Variants in HMCN1 observed in about 807,000 individuals in gnomAD.
HMCN1 encodes the protein hemicentin 1.
In HMCN1, 321 loss-of-function variants were observed where a neutral mutation model predicts 625.9. That is an observed-to-expected ratio of 0.51 (90% CI 0.47 to 0.56). The LOEUF is 0.56. Ranked by LOEUF, HMCN1 falls within the 20% of genes least tolerant of loss-of-function variation. HMCN1 has a pLI of 0.00. For missense variants in HMCN1, 6,588 were observed against 6,887.3 expected (o/e 0.96, Z 1.54); for synonymous variants, 2,425 against 2,417.6 (o/e 1.00, Z -0.09).
At chr1:185,893,190 A>G (rs1665245100) in intron 4 of HMCN1, among the ~76,000 whole-genome samples, 1 of 152,244 alleles carries the variant, frequency 6.6e-6, no homozygotes, top group African/African-American at 2.4e-5. Flanking sequence ...GCCTGCACCC[A>G]GTGACCTGTG....
intron 58 of HMCN1, 102 bp downstream of exon 58, chr1:186,086,509 AT>A: frequency 1.6e-6 from 2 of 1,215,842 alleles, no homozygotes; most frequent in Non-Finnish European, 2.4e-6. Context: ...GTCGTGCTTC[AT>A]TTATTTATTC....
chr1:186,022,677 A>C (rs1035314009), intron 35 of HMCN1, among the ~76,000 whole-genome samples: 40 of 152,262 alleles, frequency 2.6e-4, no homozygotes, highest in African/African-American at 9.6e-4. Context: ...TAAAACTATG[A>C]ATTTTTATAT....
At chr1:185,910,504 G>A (rs1421983281) in intron 5 of HMCN1, among the ~76,000 whole-genome samples, 1 of 151,858 alleles carries the variant, frequency 6.6e-6, no homozygotes, top group African/African-American at 2.4e-5. Flanking sequence ...AAAAGTCACT[G>A]GGCATACAAT....
At chr1:186,055,819 C>G (rs962533022) in intron 45 of HMCN1, 145 bp downstream of exon 45, 1 of 791,424 alleles carries the variant, frequency 1.3e-6, no homozygotes, top group Non-Finnish European at 2.2e-6. Context: ...AGGTCAGTCT[C>G]ATCATTTATC....
chr1:185,858,587 T>C (rs2021941), intron 2 of HMCN1, among the ~76,000 whole-genome samples: 1 of 16,094 alleles, frequency 6.2e-5, no homozygotes, highest in Non-Finnish European at 1.6e-4. Context: ...ACCCAGCTAA[T>C]TTTTTTTTTT....
chr1:186,023,329 G>A (rs996237081), intron 36 of HMCN1, among the ~76,000 whole-genome samples, 176 bp downstream of exon 36: 1 of 145,758 alleles, frequency 6.9e-6, no homozygotes, highest in Non-Finnish European at 1.5e-5. Context: ...TTCATTGCTC[G>A]TGTTAGGATC....
At chr1:186,004,931 G>A (rs1471905626) in intron 29 of HMCN1, among the ~76,000 whole-genome samples, 1 of 151,992 alleles carries the variant, frequency 6.6e-6, no homozygotes, top group African/African-American at 2.4e-5. Context: ...CAATTAAAAA[G>A]AATAAGATCA....
At chr1:186,039,297 A>G (rs1656047012) in intron 38 of HMCN1, among the ~76,000 whole-genome samples, 1 of 152,188 alleles carries the variant, frequency 6.6e-6, no homozygotes, top group Non-Finnish European at 1.5e-5. Flanking sequence ...AAAGAATCAT[A>G]GGTATTAACG....
At chr1:186,129,198 AT>A (rs1194151557) in intron 83 of HMCN1, among the ~76,000 whole-genome samples, 5 of 103,768 alleles carry the variant, frequency 4.8e-5, no homozygotes, top group South Asian at 2.9e-4. Flanking sequence ...GCAGTAAAAG[AT>A]TTAAAAAAAA....
intron 36 of HMCN1, among the ~76,000 whole-genome samples, chr1:186,033,853 T>A (rs1224143945): frequency 6.6e-6 from 1 of 152,156 alleles, no homozygotes; most frequent in Non-Finnish European, 1.5e-5. Context: ...CTGGAAATCA[T>A]ATCCTTCTCT....
Position 185,772,704 on chromosome 1 carries a change from T to C in HMCN1, c.268+37657T>C, listed in dbSNP as rs1656327595. On this transcript the variant is annotated intron_variant, in intron 1 of 106. Coordinates refer to ENST00000271588, the MANE Select transcript of HMCN1 (RefSeq NM_031935.3). ...TATTAAGGGAAGATGACTGTTGTAG[T>C]CCATTTGTGCTGCTATAACAGAATG... is the stretch of plus-strand genomic sequence containing the variant. Among the ~76,000 whole-genome samples, 2 of 152,086 alleles carry C rather than the reference T, an allele frequency of 1.3e-5. 1 individual carries two copies. The highest frequency in any genetic ancestry group is 4.1e-4 in the South Asian group (2 of 4,834).
chr1:185,926,759 A>G (rs982446197), intron 9 of HMCN1, among the ~76,000 whole-genome samples: 1 of 152,214 alleles, frequency 6.6e-6, no homozygotes, highest in African/African-American at 2.4e-5. Context: ...TCCTAATAAC[A>G]TGAAACATGT....
chr1:185,761,980 G>A (rs1307280356), intron 1 of HMCN1, among the ~76,000 whole-genome samples: 1 of 152,132 alleles, frequency 6.6e-6, no homozygotes, highest in East Asian at 1.9e-4. Context: ...CAAAGGATAA[G>A]TTTCTGGACC....
intron 4 of HMCN1, among the ~76,000 whole-genome samples, chr1:185,888,960 T>TA (rs1271738286): frequency 6.8e-6 from 1 of 147,570 alleles, no homozygotes. Flanking sequence ...GTTCTTCCAT[T>TA]TGTTTGTGTC....
At chr1:186,130,725 C>T (rs1197998588) in intron 85 of HMCN1, 28 bp downstream of exon 85, 1 of 1,595,946 alleles carries the variant, frequency 6.3e-7, no homozygotes, top group Admixed American at 1.7e-5. Context: ...GATTGATGCA[C>T]CTTTAAACCC....
chr1:186,099,510 TGTGTG>T (rs762810906), intron 68 of HMCN1, among the ~76,000 whole-genome samples: 3 of 152,104 alleles, frequency 2.0e-5, no homozygotes, highest in Non-Finnish European at 4.4e-5. Context: ...ATTATGAACA[TGTGTG>T]GTGTGGCAAA....
intron 10 of HMCN1, among the ~76,000 whole-genome samples, chr1:185,932,994 T>C (rs148383596): frequency 3.3e-5 from 5 of 152,208 alleles, no homozygotes; most frequent in Admixed American, 1.3e-4. Flanking sequence ...GTGTACAATT[T>C]TATTAATGGT....
At chr1:185,864,716 A>G (rs1364864490) in intron 3 of HMCN1, 88 bp downstream of exon 3, 6 of 1,159,476 alleles carry the variant, frequency 5.2e-6, no homozygotes, top group Admixed American at 1.9e-5. Context: ...TGTGTGGTCA[A>G]TAACAATAAT....
chr1:186,045,990 C>A, intron 41 of HMCN1, 127 bp downstream of exon 41: 1 of 700,424 alleles, frequency 1.4e-6, no homozygotes. Flanking sequence ...TTCTAGGAAC[C>A]CTTTTATTGA....
Sources: allele counts gnomAD v4.1 joint callset (sites outside exome capture counted in the v4.1 genomes callset), GRCh38; gene constraint gnomAD v4.1.1; transcripts MANE v1.5; gene names NCBI Gene and HGNC (gene_info 2026-07-23, HGNC 2026-07-21).